ZNF486: variants seen among roughly 807,000 people sequenced by gnomAD.
ZNF486 encodes the protein zinc finger protein 486.
ZNF486 carries 12 observed loss-of-function variants against 12.8 expected under a neutral mutation model. The ratio of observed to expected loss-of-function variants is 0.94; its 90% CI spans 0.60 to 1.52. The LOEUF is 1.52. Ranked by LOEUF, ZNF486 falls within the 40% of genes most tolerant of loss-of-function variation. The pLI is 0.00. For missense variants in ZNF486, 738 were observed against 545.0 expected (o/e 1.35, Z -3.53); for synonymous variants, 231 against 184.9 (o/e 1.25, Z -2.02).
rs782791327 is a variant in ZNF486, at chr19:20,197,039, G to C, written c.329G>C (p.Arg110Thr). The change falls in exon 4 of 4, where the codon AGA becomes ACA. Residue 110 changes from arginine (R) to threonine (T), a missense_variant. By Grantham distance (71) the Arg-to-Thr change is moderately conservative. Coordinates refer to ENST00000335117, the MANE Select transcript of ZNF486 (RefSeq NM_052852.4). ...GATTCTTACCAAAAAGTGATACTGA[G>C]AAAATTTGAAAAATGTGGACATGGC... ...IKDSYQKVILRKFEKCGHGNL... is the reference protein window; with the variant it reads ...IKDSYQKVILTKFEKCGHGNL... 2 of 1,610,526 alleles carry C rather than the reference G, an allele frequency of 1.2e-6. No homozygotes were observed. The highest frequency in any genetic ancestry group is 1.3e-5 in the African/African-American group (1 of 74,780).
chr19:20,184,838 G>A (rs1159782048), intron 2 of ZNF486, among the ~76,000 whole-genome samples: 3 of 152,106 alleles, frequency 2.0e-5, no homozygotes, highest in Non-Finnish European at 2.9e-5. Context: ...AGGGCCAGGC[G>A]CAGTGGCTCA....
intron 1 of ZNF486, among the ~76,000 whole-genome samples, chr19:20,178,092 T>A (rs575143734): frequency 2.7e-3 from 376 of 139,420 alleles, no homozygotes; most frequent in Middle Eastern, 0.012. Flanking sequence ...CCCGGCTAAT[T>A]TTTTTTTTGT....
At chr19:20,168,893 T>G (rs1403897342) in intron 1 of ZNF486, among the ~76,000 whole-genome samples, 4 of 151,540 alleles carry the variant, frequency 2.6e-5, no homozygotes, top group African/African-American at 9.7e-5. Flanking sequence ...CAGGCTGGAG[T>G]GCAGTGGCGC....
At chr19:20,194,980 A>G (rs996344089) in intron 3 of ZNF486, among the ~76,000 whole-genome samples, 1 of 151,232 alleles carries the variant, frequency 6.6e-6, no homozygotes, top group South Asian at 2.1e-4. Context: ...GTTTTTTGGT[A>G]TTTTAGTATT....
At position 20,198,539 on chromosome 19, in the gene ZNF486, T is replaced by C. The variant is rs140854698; in HGVS notation, c.*437T>C. 2.1e-3 allele frequency: 368 copies of C among 178,080 alleles called. 4 individuals are homozygous for C. The highest frequency in any genetic ancestry group is 8.3e-3 in the African/African-American group (347 of 41,794). 11.0% of individuals were successfully genotyped at this position (178,080 alleles called of 1,614,324 possible). ...TATTTTTATTTGTTTATTTATTTTTTGAGATGCAGTTTCACTCTTGTGACC... is the reference window on the plus strand; with the variant it reads ...TATTTTTATTTGTTTATTTATTTTTCGAGATGCAGTTTCACTCTTGTGACC... On this transcript the variant is annotated 3_prime_UTR_variant, in exon 4 of 4. Coordinates refer to ENST00000335117, the MANE Select transcript of ZNF486 (RefSeq NM_052852.4).
In ZNF486 at chr19:20,175,677, G is replaced by A. The variant is rs2089700286; in HGVS notation, c.30+8317G>A. Among the ~76,000 whole-genome samples, 3 of 152,106 alleles carry A rather than the reference G, an allele frequency of 2.0e-5. No homozygotes were observed. The South Asian group carries it at 6.2e-4, about 32-fold the overall frequency. ...GGTCAGAGATCAACAGGATCCCAAG[G>A]CAGAAGAATTTTTCTTAGTACAGAC... On this transcript the variant is annotated intron_variant, in intron 1 of 3. Transcript: ENST00000335117.
chr19:20,177,235 G>A (rs987704094), intron 1 of ZNF486, among the ~76,000 whole-genome samples: 2 of 152,216 alleles, frequency 1.3e-5, no homozygotes, highest in African/African-American at 2.4e-5. Context: ...CTGCCAGTGA[G>A]TACAGAGCCA....
At position 20,197,286 on chromosome 19, in the gene ZNF486, C is replaced by G. The variant is rs889551808; in HGVS notation, c.576C>G (p.Asn192Lys). 3.1e-6 allele frequency: 5 copies of G among 1,610,304 alleles called. No homozygotes were observed. The East Asian group carries it at 6.7e-5, about 22-fold the overall frequency. ...ATATAGAAGGTGACAAAGCTTTTAA[C>G]CAGTCCTCAACCCATACTACACATA... The part of the protein sequence containing the change: ...LKYIEGDKAF[N>K]QSSTHTTHKK... The change falls in exon 4 of 4, where the codon AAC (asparagine) becomes AAG (lysine). Residue 192 changes from asparagine (N) to lysine (K), a missense_variant. Transcript: ENST00000335117.
At chr19:20,175,462 G>C (rs2089697135) in intron 1 of ZNF486, 1 of 152,338 alleles carries the variant, frequency 6.6e-6, no homozygotes, top group Non-Finnish European at 1.4e-5. Context: ...GGTTTTCCTA[G>C]GCAGAGGACC....
chr19:20,193,873 G>T (rs1233660994), intron 3 of ZNF486, among the ~76,000 whole-genome samples: 2 of 151,434 alleles, frequency 1.3e-5, no homozygotes, highest in Admixed American at 6.6e-5. Flanking sequence ...TATCTATACA[G>T]CTATTATCTT....
intron 1 of ZNF486, among the ~76,000 whole-genome samples, chr19:20,172,796 C>G (rs889729704): frequency 3.3e-5 from 5 of 151,838 alleles, no homozygotes; most frequent in Admixed American, 1.3e-4. Flanking sequence ...TGTGCCACCA[C>G]CACACCCTGC....
chr19:20,171,714 T>C (rs2089649854), intron 1 of ZNF486, among the ~76,000 whole-genome samples: 1 of 152,256 alleles, frequency 6.6e-6, no homozygotes, highest in African/African-American at 2.4e-5. Context: ...GGAATTATTT[T>C]TTTTCTTTTA....
intron 3 of ZNF486, among the ~76,000 whole-genome samples, chr19:20,187,079 G>A (rs566292210): frequency 9.6e-4 from 145 of 151,816 alleles, no homozygotes; most frequent in African/African-American, 3.3e-3. Context: ...CACCCCGCCC[G>A]GCCCATAGTT....
At chr19:20,195,405 G>C (rs1479560541) in intron 3 of ZNF486, among the ~76,000 whole-genome samples, 1 of 152,166 alleles carries the variant, frequency 6.6e-6, no homozygotes, top group Non-Finnish European at 1.5e-5. Flanking sequence ...CTGACCTCAT[G>C]TATTTTCCCA....
chr19:20,186,560 T>C (rs571283242), intron 3 of ZNF486, among the ~76,000 whole-genome samples: 19 of 152,302 alleles, frequency 1.2e-4, no homozygotes, highest in Middle Eastern at 3.4e-3. Flanking sequence ...TGAAATATAG[T>C]TTGAAATTAT....
At chr19:20,178,593 A>T (rs2089749785) in intron 1 of ZNF486, among the ~76,000 whole-genome samples, 1 of 152,256 alleles carries the variant, frequency 6.6e-6, no homozygotes, top group African/African-American at 2.4e-5. Context: ...TAGAATTACC[A>T]GACATGATAT....
Position 20,197,887 on chromosome 19 carries a change from C to A in ZNF486, c.1177C>A (p.Leu393Ile). 6.2e-7 allele frequency: 1 copy of A among 1,613,148 alleles called. No individual in the cohort carries two copies. The highest frequency in any genetic ancestry group is 8.5e-7 in the Non-Finnish European group (1 of 1,179,846). Residue 393 changes from leucine to isoleucine, a missense_variant, in exon 4 of 4, where the codon CTC (leucine) becomes ATC (isoleucine). Physicochemically the swap from Leu to Ile is conservative, Grantham distance 5. Coordinates refer to ENST00000335117, the MANE Select transcript of ZNF486 (RefSeq NM_052852.4). ...CGKAFTWSAG[L>I]HKHRRTHTGE... ...CAAAGCCTTTACATGGTCTGCAGGC[C>A]TCCATAAACATAGGAGAACTCATAC...
At chr19:20,196,689 A>C (rs1555717994) in intron 3 of ZNF486, among the ~76,000 whole-genome samples, 2 of 152,198 alleles carry the variant, frequency 1.3e-5, no homozygotes, top group African/African-American at 4.8e-5. Flanking sequence ...TGTTGCATAT[A>C]AGTAACAGAA....
In ZNF486 at chr19:20,198,364, A is replaced by G. The variant is rs2089982479; in HGVS notation, c.*262A>G. ...GTGGTCTGCCTGCTTTGGCCTCCCA[A>G]AGTGTTGGGGTTACAGGCATGAGCC... On this transcript the variant is annotated 3_prime_UTR_variant, in exon 4 of 4. Coordinates refer to ENST00000335117, the MANE Select transcript of ZNF486 (RefSeq NM_052852.4). 2.2e-5 allele frequency: 9 copies of G among 411,250 alleles called. No individual in the cohort carries two copies. The highest frequency in any genetic ancestry group is 3.9e-5 in the Non-Finnish European group (9 of 228,196). The allele number at this position is 411,250 out of a possible 1,614,324, so 25.5% of individuals were successfully genotyped here. A position where few individuals can be genotyped will look rare whatever the true frequency, so the allele number is the denominator to read the frequency against.
Sources: allele counts gnomAD v4.1 joint callset (sites outside exome capture counted in the v4.1 genomes callset), GRCh38; gene constraint gnomAD v4.1.1; transcripts MANE v1.5; gene names NCBI Gene and HGNC (gene_info 2026-07-23, HGNC 2026-07-21).